Variants in CMSS1 observed in about 807,000 individuals in gnomAD.
The protein encoded by CMSS1 is protein CMSS1.
A neutral mutation model predicts 43.5 loss-of-function variants in CMSS1; 33 were observed. The ratio of observed to expected loss-of-function variants is 0.76; its 90% CI spans 0.57 to 1.01. The LOEUF (loss-of-function observed/expected upper bound fraction) is 1.01, where lower values mean the gene tolerates loss of function less well. CMSS1 is among the 50% of genes least tolerant of loss of function. The pLI, the probability that CMSS1 is intolerant of heterozygous loss-of-function variation, is 0.00. For synonymous variants in CMSS1, 115 were observed against 117.2 expected (o/e 0.98, Z 0.12); for missense variants, 313 against 326.4 (o/e 0.96, Z 0.32).
intron 1 of CMSS1, among the ~76,000 whole-genome samples, chr3:100,092,632 T>C (rs2066130273): frequency 6.7e-6 from 1 of 148,556 alleles, no homozygotes; most frequent in Non-Finnish European, 1.5e-5. Flanking sequence ...CATGTTAAGC[T>C]CCTAGAATAA....
At chr3:99,838,377 T>C (rs1446362783) in intron 1 of CMSS1, among the ~76,000 whole-genome samples, 1 of 152,160 alleles carries the variant, frequency 6.6e-6, no homozygotes, top group East Asian at 1.9e-4. Flanking sequence ...ATGGTGATCA[T>C]GGGAGGTTTC....
At chr3:99,863,460 T>C (rs1302826056) in intron 1 of CMSS1, among the ~76,000 whole-genome samples, 1 of 152,172 alleles carries the variant, frequency 6.6e-6, no homozygotes, top group Non-Finnish European at 1.5e-5. Context: ...ATTCCTGGGC[T>C]TGGTTTCCAT....
At chr3:100,172,030 T>A in intron 7 of CMSS1, 131 bp downstream of exon 7, 1 of 756,068 alleles carries the variant, frequency 1.3e-6, no homozygotes, top group Non-Finnish European at 2.2e-6. Flanking sequence ...TAACAACTTT[T>A]CTGGTTTTTT....
intron 1 of CMSS1, among the ~76,000 whole-genome samples, chr3:99,989,602 C>T (rs2107126352): frequency 6.6e-6 from 1 of 151,840 alleles, no homozygotes; most frequent in East Asian, 1.9e-4. Flanking sequence ...GAAATATTTT[C>T]AGAGAGTGGA....
At chr3:100,096,222 A>G (rs2066205088) in intron 1 of CMSS1, among the ~76,000 whole-genome samples, 2 of 151,976 alleles carry the variant, frequency 1.3e-5, no homozygotes, top group South Asian at 4.1e-4. Flanking sequence ...GAAAACTAAA[A>G]CTAGAGCTAC....
intron 1 of CMSS1, among the ~76,000 whole-genome samples, chr3:99,997,029 T>C (rs1340960523): frequency 6.6e-6 from 1 of 152,168 alleles, no homozygotes; most frequent in Non-Finnish European, 1.5e-5. Flanking sequence ...TAGCATTAAA[T>C]GCGTACATCA....
chr3:100,080,188 T>C (rs1410740398), intron 1 of CMSS1, among the ~76,000 whole-genome samples: 1 of 152,200 alleles, frequency 6.6e-6, no homozygotes, highest in African/African-American at 2.4e-5. Context: ...CTCGCCATAT[T>C]GCCCAGGCTG....
intron 1 of CMSS1, among the ~76,000 whole-genome samples, chr3:100,036,138 A>C (rs2065103204): frequency 6.6e-6 from 1 of 152,234 alleles, no homozygotes; most frequent in African/African-American, 2.4e-5. Flanking sequence ...ATCCACTTTT[A>C]GGAAGGTCTT....
At chr3:99,950,101 T>G (rs1453059488) in intron 1 of CMSS1, among the ~76,000 whole-genome samples, 1 of 152,208 alleles carries the variant, frequency 6.6e-6, no homozygotes. Context: ...TTGGAACCAT[T>G]AGGTTAGAGA....
At chr3:100,019,252 C>T (rs2064759335) in intron 1 of CMSS1, among the ~76,000 whole-genome samples, 1 of 152,080 alleles carries the variant, frequency 6.6e-6, no homozygotes, top group African/African-American at 2.4e-5. Context: ...TTCAGCTACT[C>T]GGGAGGCTGA....
chr3:99,925,721 A>C (rs577770133), intron 1 of CMSS1: 22 of 251,160 alleles, frequency 8.8e-5, no homozygotes, highest in African/African-American at 4.8e-4. Flanking sequence ...CAAGGACATG[A>C]GGAGCTCTTG....
chr3:99,993,203 A>T (rs1005815671), intron 1 of CMSS1, among the ~76,000 whole-genome samples: 1 of 152,162 alleles, frequency 6.6e-6, no homozygotes, highest in East Asian at 1.9e-4. Context: ...GAAAAATGAC[A>T]TTGGTGATCT....
At chr3:100,147,764 C>T (rs2066866622) in intron 2 of CMSS1, among the ~76,000 whole-genome samples, 1 of 152,210 alleles carries the variant, frequency 6.6e-6, no homozygotes, top group African/African-American at 2.4e-5. Context: ...CCAGCAGGCT[C>T]CTGGGACCTT....
chr3:99,849,277 ACTT>A (rs1319933294), intron 1 of CMSS1: 4 of 1,614,098 alleles, frequency 2.5e-6, no homozygotes, highest in South Asian at 1.1e-5. Flanking sequence ...TTCTGTCTGA[ACTT>A]CTTTAGAAAA....
intron 1 of CMSS1, among the ~76,000 whole-genome samples, chr3:100,048,580 A>G (rs1403628314): frequency 2.6e-5 from 4 of 152,210 alleles, no homozygotes; most frequent in Non-Finnish European, 4.4e-5. Flanking sequence ...GAAACTGAGC[A>G]TGGTAATTGA....
chr3:99,993,642 G>A (rs1166038458), intron 1 of CMSS1, among the ~76,000 whole-genome samples: 6 of 152,042 alleles, frequency 3.9e-5, no homozygotes, highest in Admixed American at 3.9e-4. Context: ...TTATGTTAAT[G>A]TGTGTTCCTT....
chr3:100,010,802 AT>A (rs1710130321), intron 1 of CMSS1, among the ~76,000 whole-genome samples: 1 of 59,406 alleles, frequency 1.7e-5, no homozygotes, highest in Admixed American at 1.8e-4. Context: ...TTTTTTTTGT[AT>A]TTTTAGTAGA....
chr3:99,818,573 G>T (rs1942370250), intron 1 of CMSS1, among the ~76,000 whole-genome samples: 1 of 152,208 alleles, frequency 6.6e-6, no homozygotes, highest in Non-Finnish European at 1.5e-5. Flanking sequence ...GACATATAAT[G>T]TGTGGTAAAT....
At chr3:99,950,365 T>C (rs1354906933) in intron 1 of CMSS1, among the ~76,000 whole-genome samples, 2 of 152,224 alleles carry the variant, frequency 1.3e-5, no homozygotes, top group African/African-American at 4.8e-5. Context: ...TGCCTGATTA[T>C]TCTTATTTCT....
Sources: gnomAD v4.1 joint callset for allele counts (sites outside exome capture counted in the v4.1 genomes callset) on GRCh38, gnomAD v4.1.1 for gene constraint, MANE v1.5 for transcripts, NCBI Gene and HGNC (gene_info 2026-07-23, HGNC 2026-07-21) for gene names.